Variants in ASCC3 observed in about 807,000 individuals in gnomAD.
The protein encoded by ASCC3 is activating signal cointegrator 1 complex subunit 3.
Under a neutral mutation model 256.3 loss-of-function variants are expected in ASCC3, and 158 were observed. The ratio of observed to expected loss-of-function variants is 0.62; its 90% confidence interval spans 0.54 to 0.70. The LOEUF (loss-of-function observed/expected upper bound fraction) is 0.70. ASCC3 is among the 30% of genes least tolerant of loss of function. ASCC3 has a pLI of 0.00. For missense variants in ASCC3, 2,259 were observed against 2,626.0 expected (o/e 0.86, Z 3.05); for synonymous variants, 948 against 883.4 (o/e 1.07, Z -1.30).
At chr6:100,778,576 A>G (rs575413438) in intron 8 of ASCC3, among the ~76,000 whole-genome samples, 1 of 152,288 alleles carries the variant, frequency 6.6e-6, no homozygotes, top group African/African-American at 2.4e-5. Flanking sequence ...ATTTTGTAAT[A>G]TACTACTTAC....
chr6:100,756,083 T>A (rs1045466485), intron 10 of ASCC3, among the ~76,000 whole-genome samples: 3 of 151,988 alleles, frequency 2.0e-5, no homozygotes, highest in Non-Finnish European at 4.4e-5. Context: ...TTATCAAGAA[T>A]TTTTCTATTA....
At chr6:100,562,402 A>G (rs757440944) in intron 36 of ASCC3, among the ~76,000 whole-genome samples, 2 of 152,092 alleles carry the variant, frequency 1.3e-5, no homozygotes, top group African/African-American at 2.4e-5. Context: ...GCCTTCTCAT[A>G]GTGGGAAGAC....
chr6:100,551,798 T>C (rs951442884), intron 36 of ASCC3, among the ~76,000 whole-genome samples: 2 of 152,074 alleles, frequency 1.3e-5, no homozygotes, highest in African/African-American at 4.8e-5. Context: ...TCAACAGCTA[T>C]TACTTCCTTT....
chr6:100,813,749 A>AG (rs1406280615), intron 4 of ASCC3, among the ~76,000 whole-genome samples: 1 of 151,948 alleles, frequency 6.6e-6, no homozygotes, highest in Admixed American at 6.6e-5. Context: ...TAACAGTCGG[A>AG]GGGTGCAATA....
intron 1 of ASCC3, among the ~76,000 whole-genome samples, chr6:100,872,238 A>G (rs1382978985): frequency 6.6e-6 from 1 of 152,172 alleles, no homozygotes; most frequent in Non-Finnish European, 1.5e-5. Context: ...CCATTTTTAT[A>G]TACATCACAG....
chr6:100,641,356 C>A (rs1029851889), intron 24 of ASCC3, among the ~76,000 whole-genome samples: 1 of 152,140 alleles, frequency 6.6e-6, no homozygotes, highest in Non-Finnish European at 1.5e-5. Flanking sequence ...CTCTCCAGCA[C>A]CTGTTGTTTC....
Position 100,662,387 on chromosome 6 carries a change from T to C in ASCC3, c.2436A>G (p.Leu812=), listed in dbSNP as rs1277038129. 6.2e-7 allele frequency: 1 copy of C among 1,613,184 alleles called. No homozygotes were observed. Among genetic ancestry groups the C allele is most frequent in the Admixed American group, 1.7e-5 (1 of 59,906 alleles). Residue 812 remains leucine, a synonymous_variant, in exon 15 of 42, where the codon TTA becomes TTG. Transcript: ENST00000369162. Reference sequence around the variant, plus strand: ...GGGCGGGAAGATTGACACCCCAGGCTAACGTAGCTGTACACACTAGGACTT... The same window carrying C: ...GGGCGGGAAGATTGACACCCCAGGCCAACGTAGCTGTACACACTAGGACTT... ...HIKVLVCTAT[L]AWGVNLPAHA...
intron 4 of ASCC3, among the ~76,000 whole-genome samples, chr6:100,822,644 C>G (rs1019499914): frequency 1.3e-5 from 2 of 151,966 alleles, no homozygotes; most frequent in Admixed American, 1.3e-4. Flanking sequence ...AGGTTAAGAC[C>G]GGTACTAAAG....
In ASCC3 at chr6:100,798,827, T is replaced by G. The variant is rs1161917906; in HGVS notation, c.1281A>C (p.Pro427=). The change falls in exon 8 of 42, where the codon CCA becomes CCC. Residue 427 remains proline, a synonymous_variant. Transcript: ENST00000369162. ...AFIAGAKMIL[P]EGIQRENNKL... is the part of the protein sequence containing the mutation. ...TGTTATTCTCTCTTTGGATTCCTTC[T>G]GGCAAAATCATCTATAAACATCAAC... is the stretch of plus-strand genomic sequence containing the variant. 4 of 1,612,292 alleles carry G rather than the reference T, an allele frequency of 2.5e-6. No individual in the cohort carries two copies. Among genetic ancestry groups the G allele is most frequent in the Non-Finnish European group, 3.4e-6 (4 of 1,179,244 alleles).
intron 8 of ASCC3, among the ~76,000 whole-genome samples, chr6:100,790,602 G>C (rs1332195498): frequency 6.6e-6 from 1 of 151,904 alleles, no homozygotes; most frequent in African/African-American, 2.4e-5. Context: ...CAGTTCTAAA[G>C]CAATTTGGAA....
chr6:100,541,940 A>T (rs1230072388), intron 36 of ASCC3, among the ~76,000 whole-genome samples: 1 of 152,196 alleles, frequency 6.6e-6, no homozygotes, highest in East Asian at 1.9e-4. Context: ...TTATTAATGG[A>T]AGAATACACA....
At chr6:100,827,489 T>A (rs190639317) in intron 4 of ASCC3, among the ~76,000 whole-genome samples, 1 of 152,338 alleles carries the variant, frequency 6.6e-6, no homozygotes, top group Admixed American at 6.5e-5. Context: ...AAGGTTCTTG[T>A]AATTTTTTGT....
At chr6:100,758,803 T>C (rs1781304495) in intron 10 of ASCC3, among the ~76,000 whole-genome samples, 1 of 152,204 alleles carries the variant, frequency 6.6e-6, no homozygotes, top group African/African-American at 2.4e-5. Flanking sequence ...TTTTAGATCC[T>C]TGAGGAATCA....
intron 30 of ASCC3, among the ~76,000 whole-genome samples, chr6:100,622,516 T>A (rs1037611392): frequency 1.3e-5 from 2 of 152,074 alleles, no homozygotes; most frequent in Non-Finnish European, 2.9e-5. Context: ...CTTTCCTTTA[T>A]AAATTACCCA....
intron 4 of ASCC3, among the ~76,000 whole-genome samples, chr6:100,818,748 C>CAAAAAAAAAAA (rs56668191): frequency 1.1e-3 from 66 of 58,126 alleles, no homozygotes; most frequent in East Asian, 1.9e-3. Context: ...AGGCAAAAGC[C>CAAAAAAAAAAA]AAAAAAAAAA....
Position 100,629,100 on chromosome 6 carries a change from C to T in ASCC3, c.4290G>A (p.Lys1430=). ...GCCAGCTTCTGCTGACTCCATCCCA[C>T]TTCTCTGGCGTAGTGACGATAAGGT... ...KADLIVTTPE[K]WDGVSRSWQN... is the part of the protein sequence containing the mutation. The change falls in exon 27 of 42, where the codon AAG becomes AAA. Residue 1430 remains lysine (K), a synonymous_variant. Coordinates refer to ENST00000369162, the MANE Select transcript of ASCC3 (RefSeq NM_006828.4). The T allele has an allele frequency of 1.2e-6, 2 of 1,613,818 alleles. No homozygotes were observed. The highest frequency in any genetic ancestry group is 1.7e-6 in the Non-Finnish European group (2 of 1,179,882).
intron 1 of ASCC3, among the ~76,000 whole-genome samples, chr6:100,868,694 T>C (rs547221951): frequency 2.6e-4 from 39 of 152,244 alleles, no homozygotes; most frequent in African/African-American, 8.2e-4. Flanking sequence ...CCCCAGCAAA[T>C]AGACAACAGA....
At position 100,629,048 on chromosome 6, in the gene ASCC3, T is replaced by A. The variant is rs750123144; in HGVS notation, c.4342A>T (p.Thr1448Ser). 6.2e-7 allele frequency: 1 copy of A among 1,613,704 alleles called. No individual in the cohort carries two copies. The highest frequency in any genetic ancestry group is 2.2e-5 in the East Asian group (1 of 44,850). The change falls in exon 27 of 42, where the codon ACT (threonine) becomes TCT (serine). Residue 1448 changes from threonine to serine, a missense_variant. By Grantham distance (58) the Thr-to-Ser change is moderately conservative (BLOSUM62 1). Coordinates refer to ENST00000369162, the MANE Select transcript of ASCC3 (RefSeq NM_006828.4). ...TGGATCTCATCTATGATGAGAATAG[T>A]GACTTGCTGAACATAGTTCCTATTT... ...WQNRNYVQQVTILIIDEIHLL... is the reference protein window; with the variant it reads ...WQNRNYVQQVSILIIDEIHLL...
At chr6:100,839,688 T>C (rs6570973) in intron 4 of ASCC3, among the ~76,000 whole-genome samples, 4 of 152,168 alleles carry the variant, frequency 2.6e-5, no homozygotes, top group Admixed American at 2.0e-4. Context: ...TAAAGGACTT[T>C]GAAAATTGAA....
Sources: gnomAD v4.1 joint callset for allele counts (sites outside exome capture counted in the v4.1 genomes callset) on GRCh38, gnomAD v4.1.1 for gene constraint, MANE v1.5 for transcripts, NCBI Gene and HGNC (gene_info 2026-07-23, HGNC 2026-07-21) for gene names.